The following NKD1 variants were observed in gnomAD, a reference collection of about 807,000 sequenced individuals.
NKD1 encodes NKD inhibitor of Wnt signaling pathway 1.
Under a neutral mutation model 56.0 loss-of-function variants are expected in NKD1, and 21 were observed. The observed-to-expected ratio is 0.38, with a 90% CI of 0.27 to 0.54. The LOEUF is 0.54. Among genes scored for constraint, NKD1 ranks in the 20% least tolerant of loss-of-function variants. The pLI, the probability that NKD1 is intolerant of heterozygous loss-of-function variation, is 0.82. For synonymous variants in NKD1, 263 were observed against 265.7 expected (o/e 0.99, Z 0.10); for missense variants, 578 against 642.7 (o/e 0.90, Z 1.09).
intron 6 of NKD1, among the ~76,000 whole-genome samples, chr16:50,626,586 G>T (rs533848660): frequency 6.6e-6 from 1 of 152,334 alleles, no homozygotes; most frequent in Non-Finnish European, 1.5e-5. Context: ...CCAATCAGCA[G>T]AAGAGACACA....
At position 50,644,305 on chromosome 16, in the gene NKD1, A is replaced by G. The variant is rs1432752604; in HGVS notation, c.*10524A>G. ...TCACCAGATTATCTTATAATCCCAAAGGCCCAGCAAAGACAGGTGCTTGTT... is the reference window on the plus strand; with the variant it reads ...TCACCAGATTATCTTATAATCCCAAGGGCCCAGCAAAGACAGGTGCTTGTT... On this transcript the variant is annotated 3_prime_UTR_variant, in exon 10 of 10. Coordinates refer to ENST00000268459, the MANE Select transcript of NKD1 (RefSeq NM_033119.5). 6.6e-6 allele frequency: 1 copy of G among 152,268 alleles called. No individual in the cohort carries two copies. The highest frequency in any genetic ancestry group is 2.4e-5 in the African/African-American group (1 of 41,464). 9.4% of individuals were successfully genotyped at this position (152,268 alleles called of 1,614,324 possible).
intron 3 of NKD1, chr16:50,572,817 C>G: frequency 1.1e-6 from 1 of 921,620 alleles, no homozygotes; most frequent in Non-Finnish European, 1.3e-6. Context: ...TTCTTTCAAG[C>G]CCAGGAGATG....
chr16:50,615,354 A>C (rs932358575), intron 4 of NKD1, among the ~76,000 whole-genome samples: 1 of 152,186 alleles, frequency 6.6e-6, no homozygotes, highest in African/African-American at 2.4e-5. Context: ...TATATATCTC[A>C]GGGTATAGAT....
At chr16:50,606,117 G>C (rs557163336) in intron 3 of NKD1, 1 of 151,656 alleles carries the variant, frequency 6.6e-6, no homozygotes, top group Non-Finnish European at 1.5e-5. Context: ...GAGTGCAGTG[G>C]CGCAATCTCA....
intron 8 of NKD1, among the ~76,000 whole-genome samples, chr16:50,631,382 TGCAAGGGA>T (rs1020270929): frequency 6.6e-6 from 1 of 152,112 alleles, no homozygotes; most frequent in African/African-American, 2.4e-5. Flanking sequence ...CTTCTTCAGC[TGCAAGGGA>T]GGAAGGGAGG....
intron 4 of NKD1, chr16:50,616,027 T>C (rs1309263174): frequency 4.4e-6 from 2 of 452,272 alleles, no homozygotes; most frequent in Non-Finnish European, 8.9e-6. Context: ...ATATTAAAAT[T>C]CATCTGCATT....
At chr16:50,594,590 A>G (rs1245568489) in intron 3 of NKD1, among the ~76,000 whole-genome samples, 1 of 152,256 alleles carries the variant, frequency 6.6e-6, no homozygotes, top group Admixed American at 6.5e-5. Context: ...TCTTGGCTTC[A>G]GTCTGACCCT....
At chr16:50,574,890 TTCCTC>T in intron 3 of NKD1, 1 of 985,420 alleles carries the variant, frequency 1.0e-6, no homozygotes, top group Non-Finnish European at 1.2e-6. Context: ...AGTTTGAAAC[TTCCTC>T]TCCTTGGAAT....
At chr16:50,560,801 T>C (rs1198592131) in intron 3 of NKD1, among the ~76,000 whole-genome samples, 6 of 144,040 alleles carry the variant, frequency 4.2e-5, no homozygotes, top group African/African-American at 1.5e-4. Flanking sequence ...ACACACACTT[T>C]ACACACACCT....
At position 50,641,868 on chromosome 16, in the gene NKD1, G is replaced by C. The variant is rs1962586036; in HGVS notation, c.*8087G>C. On this transcript the variant is annotated 3_prime_UTR_variant, in exon 10 of 10. Coordinates refer to ENST00000268459, the MANE Select transcript of NKD1 (RefSeq NM_033119.5). ...CCTTTAGATGGGGCAAGGTGGGCTGGAACCCCCAGCAAAGGGTCCCAGGCT... is the reference window on the plus strand; with the variant it reads ...CCTTTAGATGGGGCAAGGTGGGCTGCAACCCCCAGCAAAGGGTCCCAGGCT... The C allele has an allele frequency of 6.6e-6, 1 of 152,090 alleles. No homozygotes were observed. The highest frequency in any genetic ancestry group is 1.5e-5 in the Non-Finnish European group (1 of 68,040). 9.4% of individuals were successfully genotyped at this position (152,090 alleles called of 1,614,324 possible). A position where few individuals can be genotyped will look rare whatever the true frequency, so the allele number is the denominator to read the frequency against.
chr16:50,626,515 T>C (rs201009631), intron 6 of NKD1, among the ~76,000 whole-genome samples: 1 of 152,254 alleles, frequency 6.6e-6, no homozygotes, highest in East Asian at 1.9e-4. Flanking sequence ...GGGGGAGTCC[T>C]GGGCAGGCAG....
intron 4 of NKD1, 103 bp from the exon 5 acceptor site, chr16:50,621,499 G>C: frequency 1.3e-6 from 1 of 756,722 alleles, no homozygotes. Context: ...CAGCCCCCTG[G>C]CGAGAATGTC....
rs1433539899 is a variant in NKD1 at position 50,634,328 on chromosome 16, G to C, written c.*547G>C. 3.3e-5 allele frequency: 5 copies of C among 152,792 alleles called. No individual in the cohort carries two copies. The highest frequency in any genetic ancestry group is 1.2e-4 in the African/African-American group (5 of 41,448). The allele number at this position is 152,792 out of a possible 1,614,324, so 9.5% of individuals were successfully genotyped here. ...TGTTGTGTTTTTATGTCCCAACCTA[G>C]AAACCTTAGCTGTCTTTTCTGGAGT... On this transcript the variant is annotated 3_prime_UTR_variant, in exon 10 of 10. Coordinates refer to ENST00000268459, the MANE Select transcript of NKD1 (RefSeq NM_033119.5).
chr16:50,603,136 C>T (rs572869304), intron 3 of NKD1, among the ~76,000 whole-genome samples: 20 of 152,368 alleles, frequency 1.3e-4, no homozygotes, highest in Middle Eastern at 3.4e-3. Context: ...ATTGACTGCT[C>T]TTTGACATCA....
At position 50,634,022 on chromosome 16, in the gene NKD1, C is replaced by T; in HGVS notation, c.*241C>T. 2 of 395,760 alleles carry T rather than the reference C, an allele frequency of 5.1e-6. No individual in the cohort carries two copies. Among genetic ancestry groups the T allele is most frequent in the Non-Finnish European group, 8.9e-6 (2 of 224,632 alleles). The allele number at this position is 395,760 out of a possible 1,614,324, so 24.5% of individuals were successfully genotyped here. On this transcript the variant is annotated 3_prime_UTR_variant, in exon 10 of 10. Coordinates refer to ENST00000268459, the MANE Select transcript of NKD1 (RefSeq NM_033119.5). ...GGAAATGACTCTGGTTTTGAGTGGCCTGTAATGGGCAGAGGCTCCCTCGGG... is the reference window on the plus strand; with the variant it reads ...GGAAATGACTCTGGTTTTGAGTGGCTTGTAATGGGCAGAGGCTCCCTCGGG...
chr16:50,631,348 G>T (rs1179866230), intron 8 of NKD1, among the ~76,000 whole-genome samples: 2 of 152,186 alleles, frequency 1.3e-5, no homozygotes, highest in Non-Finnish European at 2.9e-5. Context: ...GAATTATGAG[G>T]CTGTAGTTAC....
intron 2 of NKD1, 36 bp from the exon 3 acceptor site, chr16:50,549,386 G>T (rs190746803): frequency 6.2e-7 from 1 of 1,601,542 alleles, no homozygotes; most frequent in Non-Finnish European, 8.5e-7. Flanking sequence ...GGCACCTGGA[G>T]CCAGACTCAG....
intron 3 of NKD1, among the ~76,000 whole-genome samples, chr16:50,605,187 G>A (rs1424306355): frequency 6.6e-6 from 1 of 152,186 alleles, no homozygotes; most frequent in African/African-American, 2.4e-5. Flanking sequence ...CAGGGCTGTG[G>A]GGAGGCCATT....
At chr16:50,570,909 C>G (rs117275445) in intron 3 of NKD1, 2 of 985,324 alleles carry the variant, frequency 2.0e-6, no homozygotes, top group Non-Finnish European at 2.4e-6. Flanking sequence ...ATGTAGCCCC[C>G]ACCCCAGCCA....
Sources: gnomAD v4.1 joint callset for allele counts (sites outside exome capture counted in the v4.1 genomes callset) on GRCh38, gnomAD v4.1.1 for gene constraint, MANE v1.5 for transcripts, NCBI Gene and HGNC (gene_info 2026-07-23, HGNC 2026-07-21) for gene names.